ZNF892: variants seen among roughly 807,000 people sequenced by gnomAD.
ZNF892 encodes the protein zinc finger protein 570-like.
At chr2:95,256,714 A>G in the ZNF892 span, among the ~76,000 whole-genome samples, 10 of 152,334 alleles carry the variant, frequency 6.6e-5, no homozygotes, top group South Asian at 2.1e-3. Context: ...TACACCAATC[A>G]GACATAGATT....
chr2:95,254,717 T>G, the ZNF892 span, among the ~76,000 whole-genome samples: 1 of 152,208 alleles, frequency 6.6e-6, no homozygotes, highest in East Asian at 1.9e-4. Flanking sequence ...GTCCTGGACT[T>G]TTTTTGGTTG....
chr2:95,237,042 G>A, the ZNF892 span, among the ~76,000 whole-genome samples: 2 of 151,700 alleles, frequency 1.3e-5, no homozygotes, highest in Non-Finnish European at 1.5e-5. Context: ...AACAGCATGT[G>A]CTCCCTTCGT....
At chr2:95,212,823 G>T in the ZNF892 span, among the ~76,000 whole-genome samples, 1 of 152,056 alleles carries the variant, frequency 6.6e-6, no homozygotes, top group Non-Finnish European at 1.5e-5. Flanking sequence ...ATTAAAATGG[G>T]GATAATGATA....
the ZNF892 span, among the ~76,000 whole-genome samples, chr2:95,257,608 G>T: frequency 2.0e-5 from 3 of 152,180 alleles, no homozygotes; most frequent in African/African-American, 7.2e-5. Flanking sequence ...GTCAGACAGG[G>T]ACATTTAAGT....
At chr2:95,218,095 T>A in the ZNF892 span, among the ~76,000 whole-genome samples, 1 of 152,242 alleles carries the variant, frequency 6.6e-6, no homozygotes. Flanking sequence ...GCTGTTATAA[T>A]CCCATTTATA....
chr2:95,257,112 G>A, the ZNF892 span, among the ~76,000 whole-genome samples: 1 of 152,206 alleles, frequency 6.6e-6, no homozygotes, highest in Non-Finnish European at 1.5e-5. Context: ...TCCATTGCTG[G>A]TGAGGGGCTG....
At chr2:95,230,262 G>T in the ZNF892 span, among the ~76,000 whole-genome samples, 2 of 152,208 alleles carry the variant, frequency 1.3e-5, no homozygotes, top group African/African-American at 2.4e-5. Flanking sequence ...TACACATTGG[G>T]TACAGTGTAC....
chr2:95,219,234 C>G, the ZNF892 span, among the ~76,000 whole-genome samples: 1 of 151,752 alleles, frequency 6.6e-6, no homozygotes, highest in Admixed American at 6.6e-5. Flanking sequence ...TCTCGATCTC[C>G]TGACCTCATG....
At chr2:95,253,675 A>T in the ZNF892 span, among the ~76,000 whole-genome samples, 1 of 152,240 alleles carries the variant, frequency 6.6e-6, no homozygotes, top group Non-Finnish European at 1.5e-5. Context: ...TACCTTGGGC[A>T]GTATGGGCAT....
chr2:95,233,444 C>T, the ZNF892 span, among the ~76,000 whole-genome samples: 3 of 151,206 alleles, frequency 2.0e-5, no homozygotes, highest in African/African-American at 7.3e-5. Context: ...GAGGCCGAGG[C>T]GGGTGGATCA....
the ZNF892 span, among the ~76,000 whole-genome samples, chr2:95,230,481 A>C: frequency 1.7e-4 from 26 of 152,328 alleles, no homozygotes; most frequent in African/African-American, 6.3e-4. Context: ...TGAATCTTTT[A>C]TCCATTTAAA....
the ZNF892 span, chr2:95,212,146 G>T: frequency 5.0e-6 from 2 of 398,144 alleles, no homozygotes; most frequent in South Asian, 1.3e-4. Flanking sequence ...ACCAGGGAAT[G>T]AACACTGAGG....
chr2:95,256,659 C>A, the ZNF892 span, among the ~76,000 whole-genome samples: 1 of 152,214 alleles, frequency 6.6e-6, no homozygotes, highest in Non-Finnish European at 1.5e-5. Flanking sequence ...TAATATCCTG[C>A]AGAGTGTTTT....
the ZNF892 span, among the ~76,000 whole-genome samples, chr2:95,249,437 C>T: frequency 2.7e-5 from 4 of 147,420 alleles, no homozygotes; most frequent in Admixed American, 6.8e-5. Flanking sequence ...TTAGTAGAGA[C>T]GGGGTTTCAC....
the ZNF892 span, among the ~76,000 whole-genome samples, chr2:95,245,343 C>T: frequency 3.4e-5 from 5 of 145,550 alleles, no homozygotes; most frequent in South Asian, 2.2e-4. Context: ...CTCCGCCTCA[C>T]GGGTTCATGC....
At chr2:95,215,730 G>A in the ZNF892 span, 1 of 397,250 alleles carries the variant, frequency 2.5e-6, no homozygotes, top group Admixed American at 4.4e-5. Flanking sequence ...GCTGATGTGG[G>A]AGGTAACATG....
At chr2:95,261,722 T>C in the ZNF892 span, among the ~76,000 whole-genome samples, 1 of 152,150 alleles carries the variant, frequency 6.6e-6, no homozygotes, top group African/African-American at 2.4e-5. Flanking sequence ...AGGTCTTCGA[T>C]AGAGGAAGTT....
At chr2:95,263,302 G>T in the ZNF892 span, among the ~76,000 whole-genome samples, 1 of 152,166 alleles carries the variant, frequency 6.6e-6, no homozygotes, top group South Asian at 2.1e-4. Context: ...AGAGCCTCCA[G>T]ATCAGAGCCC....
At chr2:95,206,990 A>G in the ZNF892 span, among the ~76,000 whole-genome samples, 2 of 152,264 alleles carry the variant, frequency 1.3e-5, no homozygotes, top group African/African-American at 2.4e-5. Flanking sequence ...TCCTTGGGGC[A>G]GCAAGACTAG....
Sources: gnomAD v4.1 joint callset for allele counts (sites outside exome capture counted in the v4.1 genomes callset) on GRCh38, gnomAD v4.1.1 for gene constraint, MANE v1.5 for transcripts, NCBI Gene and HGNC (gene_info 2026-07-23, HGNC 2026-07-21) for gene names.